The following FER1L6 variants were observed in gnomAD, a reference collection of about 807,000 sequenced individuals.
FER1L6 encodes the protein fer-1-like protein 6.
In FER1L6, 177 loss-of-function variants were observed where a neutral mutation model predicts 219.2. The observed-to-expected ratio is 0.81, with a 90% confidence interval of 0.71 to 0.91. The LOEUF (loss-of-function observed/expected upper bound fraction) is 0.91, where lower values mean the gene tolerates loss of function less well. Ranked by LOEUF, FER1L6 falls within the 40% of genes least tolerant of loss-of-function variation. The pLI is 0.00. For missense variants in FER1L6, 2,153 were observed against 2,259.9 expected (o/e 0.95, Z 0.96); for synonymous variants, 768 against 824.3 (o/e 0.93, Z 1.17).
chr8:124,031,991 G>A (rs1386674080), intron 18 of FER1L6, among the ~76,000 whole-genome samples: 1 of 152,232 alleles, frequency 6.6e-6, no homozygotes, highest in Non-Finnish European at 1.5e-5. Flanking sequence ...CTTTAGGAGT[G>A]CAGCAACAGT....
At chr8:124,001,071 G>T (rs975316577) in intron 12 of FER1L6, among the ~76,000 whole-genome samples, 1 of 152,130 alleles carries the variant, frequency 6.6e-6, no homozygotes, top group African/African-American at 2.4e-5. Context: ...ATGGTCATAC[G>T]TGAAAAAATG....
At chr8:123,926,237 G>C (rs1164020791) in intron 1 of FER1L6, among the ~76,000 whole-genome samples, 1 of 152,216 alleles carries the variant, frequency 6.6e-6, no homozygotes, top group Non-Finnish European at 1.5e-5. Flanking sequence ...AGAGAATCTT[G>C]TTGTGATGTC....
chr8:123,929,371 G>A (rs891112559), intron 1 of FER1L6, among the ~76,000 whole-genome samples: 4 of 152,094 alleles, frequency 2.6e-5, no homozygotes, highest in East Asian at 1.9e-4. Context: ...AATTGGAGAG[G>A]TTCAATAATT....
chr8:123,915,071 G>A (rs573756476), intron 1 of FER1L6, among the ~76,000 whole-genome samples: 2 of 147,316 alleles, frequency 1.4e-5, no homozygotes, highest in South Asian at 4.3e-4. Flanking sequence ...TTTCCAAACA[G>A]GGCCTTTCCT....
chr8:124,107,481 G>A (rs1822828966), intron 39 of FER1L6, among the ~76,000 whole-genome samples: 1 of 152,154 alleles, frequency 6.6e-6, no homozygotes, highest in African/African-American at 2.4e-5. Flanking sequence ...CATTTGGGCT[G>A]TGGCAGTCTG....
chr8:124,011,349 C>A (rs1435339995), intron 14 of FER1L6, among the ~76,000 whole-genome samples: 1 of 152,026 alleles, frequency 6.6e-6, no homozygotes, highest in African/African-American at 2.4e-5. Context: ...TTACATAACA[C>A]CCTGTTTTGT....
intron 1 of FER1L6, among the ~76,000 whole-genome samples, chr8:123,920,694 T>TA (rs1048458087): frequency 1.3e-5 from 2 of 152,194 alleles, no homozygotes; most frequent in East Asian, 1.9e-4. Flanking sequence ...TTTTTAACTG[T>TA]AAAAAACCAT....
Position 124,064,561 on chromosome 8 carries a change from T to C in FER1L6, c.3543T>C (p.Asp1181=), listed in dbSNP as rs1012116051. The C allele has an allele frequency of 2.5e-6, 4 of 1,609,348 alleles. No individual in the cohort carries two copies. In the African/African-American group the frequency reaches 4.0e-5, roughly 16 times the overall value. ...CTGTAGCCCAGGAGCCACCAAAAGA[T>C]GGAAAACCTAAGGTCAGACTAAAAT... ...HTPVAQEPPK[D]GKPKDPRKPS... The change falls in exon 26 of 41, where the codon GAT becomes GAC. Residue 1181 remains aspartate, a synonymous_variant. Coordinates refer to ENST00000522917, the MANE Select transcript of FER1L6 (RefSeq NM_001039112.2).
Position 124,003,278 on chromosome 8 carries a change from C to T in FER1L6, c.1631C>T (p.Ala544Val). ...PLLHEGQGDV[A>V]HDVPIPMAST... ...CTTCACGAAGGGCAAGGGGATGTGG[C>T]CCATGATGTTCCCATTCCTATGGCC... The change falls in exon 13 of 41, where the codon GCC becomes GTC. Residue 544 changes from alanine to valine, a missense_variant. Physicochemically the swap from Ala to Val is moderately conservative, Grantham distance 64. Coordinates refer to ENST00000522917, the MANE Select transcript of FER1L6 (RefSeq NM_001039112.2). 1 of 1,613,978 alleles carries T rather than the reference C, an allele frequency of 6.2e-7. No homozygotes were observed. The highest frequency in any genetic ancestry group is 1.7e-5 in the Admixed American group (1 of 60,000).
intron 25 of FER1L6, 52 bp downstream of exon 25, chr8:124,062,084 T>C (rs745449772): frequency 6.3e-6 from 10 of 1,584,498 alleles, no homozygotes; most frequent in Non-Finnish European, 8.6e-6. Flanking sequence ...TCATGGTGCC[T>C]GCAGAGTGCC....
chr8:124,106,498 T>G (rs951122604), intron 39 of FER1L6, among the ~76,000 whole-genome samples: 1 of 150,648 alleles, frequency 6.6e-6, no homozygotes, highest in Non-Finnish European at 1.5e-5. Context: ...TCTAGAAACC[T>G]CCACAGTTTC....
chr8:123,994,393 C>T (rs746476985), intron 12 of FER1L6, among the ~76,000 whole-genome samples: 6 of 152,294 alleles, frequency 3.9e-5, no homozygotes, highest in Non-Finnish European at 4.4e-5. Flanking sequence ...TGGGGCAATG[C>T]TTCAAGAAAG....
At chr8:123,994,425 C>T (rs113337227) in intron 12 of FER1L6, among the ~76,000 whole-genome samples, 11 of 152,286 alleles carry the variant, frequency 7.2e-5, no homozygotes, top group African/African-American at 2.2e-4. Context: ...CTTTTCTGTA[C>T]GGAAGAGTCC....
intron 19 of FER1L6, chr8:124,035,959 G>C (rs2130709611): frequency 6.6e-6 from 1 of 152,366 alleles, no homozygotes; most frequent in East Asian, 1.9e-4. Context: ...AATTCAGCAT[G>C]CTTTATGGAA....
chr8:124,004,115 C>CAAAAAAAAAAAAAAAAAAAA (rs80310802), intron 13 of FER1L6: 1 of 78,490 alleles, frequency 1.3e-5, no homozygotes, highest in Non-Finnish European at 2.5e-5. Flanking sequence ...CTGAAAGACT[C>CAAAAAAAAAAAAAAAAAAAA]AAAAAAAAAA....
chr8:123,877,173 C>T (rs952984373), intron 1 of FER1L6, among the ~76,000 whole-genome samples: 2 of 152,250 alleles, frequency 1.3e-5, no homozygotes, highest in African/African-American at 4.8e-5. Context: ...ATGAAATTCA[C>T]ATGAAAGCAC....
intron 1 of FER1L6, among the ~76,000 whole-genome samples, chr8:123,854,029 C>T (rs1390976703): frequency 6.6e-6 from 1 of 152,160 alleles, no homozygotes; most frequent in Non-Finnish European, 1.5e-5. Flanking sequence ...CAGTAAAGGC[C>T]TGTGTGACTT....
intron 31 of FER1L6, among the ~76,000 whole-genome samples, chr8:124,071,929 C>T: frequency 6.6e-6 from 1 of 152,120 alleles, no homozygotes; most frequent in East Asian, 1.9e-4. Context: ...CTAGCCCTGT[C>T]ATATTAGAGC....
intron 7 of FER1L6, among the ~76,000 whole-genome samples, chr8:123,974,914 TG>T (rs1416489288): frequency 6.6e-6 from 1 of 151,994 alleles, no homozygotes; most frequent in African/African-American, 2.4e-5. Flanking sequence ...ACTAAGTCAA[TG>T]GCTTCCCAAG....
Sources: allele counts gnomAD v4.1 joint callset (sites outside exome capture counted in the v4.1 genomes callset), GRCh38; gene constraint gnomAD v4.1.1; transcripts MANE v1.5; gene names NCBI Gene and HGNC (gene_info 2026-07-23, HGNC 2026-07-21).